Variants in DMD observed in about 807,000 individuals in gnomAD.
The protein encoded by DMD is dystrophin, also known as mutant dystrophin.
A neutral mutation model predicts 330.1 loss-of-function variants in DMD; 63 were observed. The ratio of observed to expected loss-of-function variants is 0.19; its 90% CI spans 0.16 to 0.24. DMD has a LOEUF of 0.24. Among genes scored for constraint, DMD ranks in the 10% least tolerant of loss-of-function variants. The pLI, the probability that DMD is intolerant of heterozygous loss-of-function variation, is 1.00. For missense variants in DMD, 3,344 were observed against 2,684.1 expected (o/e 1.25, Z -5.43); for synonymous variants, 1,223 against 959.8 (o/e 1.27, Z -5.07).
chrX:31,143,953 G>C (rs1449929467), intron 76 of DMD, among the ~76,000 whole-genome samples: 1 of 112,261 alleles, frequency 8.9e-6, no homozygotes, highest in Non-Finnish European at 1.9e-5. Context: ...TTCATGTAGT[G>C]TGTTGTCATT....
At chrX:32,223,252 C>T (rs1393255673) in intron 43 of DMD, among the ~76,000 whole-genome samples, 2 of 111,662 alleles carry the variant, frequency 1.8e-5, no homozygotes, top group Non-Finnish European at 3.8e-5. Flanking sequence ...TGTATCTTCA[C>T]AAGGCAGAAG....
chrX:31,627,928 T>C, intron 54 of DMD, 66 bp from the exon 55 acceptor site: 1 of 1,049,566 alleles, frequency 9.5e-7, no homozygotes, highest in Non-Finnish European at 1.3e-6. Flanking sequence ...GTGAACTCCA[T>C]AAAAAGAGAA....
chrX:31,334,928 C>T (rs764301022), intron 61 of DMD, among the ~76,000 whole-genome samples: 94 of 111,673 alleles, frequency 8.4e-4, no homozygotes, highest in Non-Finnish European at 1.1e-3. Flanking sequence ...TTTACTGTTT[C>T]CTCCACCTGG....
At chrX:32,828,622 C>CACGTATATACATATGTATACATCTATAT (rs2078927733) in intron 4 of DMD, among the ~76,000 whole-genome samples, 15 of 107,596 alleles carry the variant, frequency 1.4e-4, no homozygotes, top group African/African-American at 5.2e-4. Flanking sequence ...TACATCTATA[C>CACGTATATACATATGTATACATCTATAT]ACATATATAC....
At chrX:33,166,779 A>ATTT (rs1302934984) in intron 1 of DMD, among the ~76,000 whole-genome samples, 1 of 107,003 alleles carries the variant, frequency 9.3e-6, no homozygotes, top group East Asian at 2.9e-4. Context: ...ATATATATAT[A>ATTT]TTTTTTTTCC....
intron 52 of DMD, among the ~76,000 whole-genome samples, chrX:31,688,814 C>G (rs767504403): frequency 1.8e-5 from 2 of 111,653 alleles, no homozygotes; most frequent in African/African-American, 6.5e-5. Flanking sequence ...GCTGGTTCAA[C>G]ATACGCAAAT....
At chrX:31,289,957 G>A (rs767056754) in intron 62 of DMD, among the ~76,000 whole-genome samples, 81 of 106,465 alleles carry the variant, frequency 7.6e-4, no homozygotes, top group African/African-American at 2.6e-3. Flanking sequence ...GTCTCACTCT[G>A]TCGCCCAGGC....
At chrX:31,678,135 G>C (rs1267966504) in intron 53 of DMD, among the ~76,000 whole-genome samples, 1 of 112,133 alleles carries the variant, frequency 8.9e-6, no homozygotes, top group Non-Finnish European at 1.9e-5. Flanking sequence ...AGTCTTTATT[G>C]TGTTAAGCTA....
intron 7 of DMD, among the ~76,000 whole-genome samples, chrX:32,700,059 T>C (rs1438553424): frequency 9.0e-6 from 1 of 111,303 alleles, no homozygotes; most frequent in Non-Finnish European, 1.9e-5. Flanking sequence ...ACATATAAAG[T>C]GGCAGCTCCT....
intron 1 of DMD, among the ~76,000 whole-genome samples, chrX:33,063,322 G>T (rs900558633): frequency 9.0e-6 from 1 of 111,512 alleles, no homozygotes; most frequent in Non-Finnish European, 1.9e-5. Context: ...AGTAGAAAAT[G>T]TTACCATGGC....
At chrX:32,717,536 G>C (rs771210272) in intron 7 of DMD, among the ~76,000 whole-genome samples, 20 of 111,889 alleles carry the variant, frequency 1.8e-4, no homozygotes, top group Admixed American at 5.7e-4. Context: ...TGCTGCAGCG[G>C]GGGAGCCTGC....
intron 45 of DMD, among the ~76,000 whole-genome samples, chrX:31,936,763 C>A (rs938530385): frequency 1.8e-5 from 2 of 111,385 alleles, no homozygotes; most frequent in Non-Finnish European, 3.8e-5. Flanking sequence ...TGATCCTTTA[C>A]TCTTTCATTT....
At chrX:32,761,984 A>T (rs3795199) in intron 7 of DMD, among the ~76,000 whole-genome samples, 1 of 108,695 alleles carries the variant, frequency 9.2e-6, no homozygotes, top group East Asian at 2.9e-4. Flanking sequence ...CCCAGTCTCT[A>T]CTAAAAACAC....
intron 12 of DMD, among the ~76,000 whole-genome samples, chrX:32,598,530 TATTACAAA>T (rs773311405): frequency 6.2e-4 from 70 of 112,150 alleles, no homozygotes; most frequent in Admixed American, 2.1e-3. Flanking sequence ...TAATTACATA[TATTACAAA>T]ATTACAAGTA....
At chrX:31,793,455 G>A (rs1038339379) in intron 50 of DMD, among the ~76,000 whole-genome samples, 2 of 111,085 alleles carry the variant, frequency 1.8e-5, no homozygotes, top group Non-Finnish European at 3.8e-5. Flanking sequence ...CCCATCATAC[G>A]TTGAAAACAT....
At chrX:31,910,973 C>T (rs920002900) in intron 47 of DMD, among the ~76,000 whole-genome samples, 1 of 112,193 alleles carries the variant, frequency 8.9e-6, no homozygotes, top group Non-Finnish European at 1.9e-5. Context: ...TCCACAGCAT[C>T]GCCCACATAG....
chrX:32,211,738 A>G (rs769409706), intron 44 of DMD, among the ~76,000 whole-genome samples: 3 of 111,972 alleles, frequency 2.7e-5, no homozygotes, highest in East Asian at 5.6e-4. Context: ...TCAGGCTTGT[A>G]TGTCTGCGAC....
At chrX:31,462,608 T>C (rs1432984408) in intron 59 of DMD, among the ~76,000 whole-genome samples, 6 of 111,929 alleles carry the variant, frequency 5.4e-5, no homozygotes, top group African/African-American at 6.5e-5. Flanking sequence ...TTCTCCTGTA[T>C]TGTTTCCCTA....
At chrX:32,813,028 C>T (rs1040501121) in intron 6 of DMD, among the ~76,000 whole-genome samples, 3 of 110,675 alleles carry the variant, frequency 2.7e-5, no homozygotes, top group Admixed American at 9.7e-5. Context: ...ATTGCTTATG[C>T]ATTCGTGCTG....
Sources: gnomAD v4.1 joint callset for allele counts (sites outside exome capture counted in the v4.1 genomes callset) on GRCh38, gnomAD v4.1.1 for gene constraint, MANE v1.5 for transcripts, NCBI Gene and HGNC (gene_info 2026-07-23, HGNC 2026-07-21) for gene names.